Variants in KAZN observed in about 807,000 individuals in gnomAD.
KAZN encodes kazrin.
In KAZN, 40 loss-of-function variants were observed where a neutral mutation model predicts 87.4. The ratio of observed to expected loss-of-function variants is 0.46; its 90% CI spans 0.36 to 0.60. The LOEUF (loss-of-function observed/expected upper bound fraction) is 0.60, where lower values mean the gene tolerates loss of function less well. KAZN is among the 20% of genes least tolerant of loss of function. The probability of loss-of-function intolerance (pLI) is 0.00; values close to 1 mark genes in which losing one functional copy is unlikely to be tolerated. For missense variants in KAZN, 898 were observed against 1,073.9 expected, an observed-to-expected ratio of 0.84 and a Z score of 2.29; for synonymous variants, 466 against 458.3, an observed-to-expected ratio of 1.02 and a Z score of -0.22.
intron 1 of KAZN, among the ~76,000 whole-genome samples, chr1:14,011,430 C>T (rs372110430): frequency 8.5e-5 from 13 of 152,176 alleles, no homozygotes; most frequent in Admixed American, 1.3e-4. Flanking sequence ...CATCACCTGA[C>T]GACAAAAACC....
intron 1 of KAZN, among the ~76,000 whole-genome samples, chr1:14,730,730 C>A (rs905723517): frequency 1.3e-5 from 2 of 152,200 alleles, no homozygotes; most frequent in Non-Finnish European, 2.9e-5. Flanking sequence ...GCAAGTGCCC[C>A]AATCTGTCCC....
chr1:14,497,719 C>T (rs190079896), intron 2 of KAZN, among the ~76,000 whole-genome samples: 44 of 152,116 alleles, frequency 2.9e-4, no homozygotes, highest in African/African-American at 1.1e-3. Context: ...ATCTGGAAGA[C>T]TTAGAGGGTT....
chr1:14,740,248 C>A (rs1372005734), intron 1 of KAZN, among the ~76,000 whole-genome samples: 1 of 152,158 alleles, frequency 6.6e-6, no homozygotes, highest in African/African-American at 2.4e-5. Context: ...CCAGAGACAC[C>A]GTGCTGTGCG....
At chr1:14,867,210 C>T (rs575136906) in intron 1 of KAZN, among the ~76,000 whole-genome samples, 6 of 152,302 alleles carry the variant, frequency 3.9e-5, no homozygotes, top group South Asian at 4.2e-4. Context: ...GGAGGCCTCT[C>T]GGAGTCCTTT....
intron 1 of KAZN, among the ~76,000 whole-genome samples, chr1:13,940,570 T>C (rs1475144315): frequency 6.6e-6 from 1 of 152,182 alleles, no homozygotes; most frequent in Non-Finnish European, 1.5e-5. Context: ...TCAGATAATT[T>C]ACCAGAGAAG....
At chr1:14,783,704 C>T (rs957186702) in intron 1 of KAZN, among the ~76,000 whole-genome samples, 8 of 152,080 alleles carry the variant, frequency 5.3e-5, no homozygotes, top group Admixed American at 5.2e-4. Context: ...TTCACTCAGG[C>T]GGTGGCCTTG....
In KAZN at chr1:15,035,439, C is replaced by T. The variant is rs1376574629; in HGVS notation, c.555+554C>T. On this transcript the variant is annotated intron_variant, in intron 3 of 14. Transcript: ENST00000376030. ...CAGAGGAAGTGACATATGCATTGGG[C>T]TCTGTGGGGTGAATAGGAGTTTATG... 2.6e-5 allele frequency among the ~76,000 whole-genome samples: 4 copies of T among 152,170 alleles called. No homozygotes were observed. The East Asian group carries it at 5.8e-4, about 22-fold the overall frequency.
chr1:14,935,253 T>C (rs1446909670), intron 1 of KAZN, among the ~76,000 whole-genome samples: 1 of 152,256 alleles, frequency 6.6e-6, no homozygotes, highest in Admixed American at 6.5e-5. Flanking sequence ...TCTTTCTTTC[T>C]TTTTGAGACA....
intron 2 of KAZN, among the ~76,000 whole-genome samples, chr1:14,490,756 G>A (rs1379545449): frequency 1.3e-5 from 2 of 152,108 alleles, no homozygotes; most frequent in Non-Finnish European, 2.9e-5. Flanking sequence ...TGAAATGTTT[G>A]CATTCTAAAA....
intron 1 of KAZN, among the ~76,000 whole-genome samples, chr1:14,763,452 A>G (rs1345941503): frequency 6.6e-6 from 1 of 152,134 alleles, no homozygotes; most frequent in Non-Finnish European, 1.5e-5. Context: ...CAATACCCCC[A>G]ATAACATTTG....
At chr1:14,518,802 T>G (rs1048739697) in intron 2 of KAZN, among the ~76,000 whole-genome samples, 1 of 152,236 alleles carries the variant, frequency 6.6e-6, no homozygotes, top group Non-Finnish European at 1.5e-5. Context: ...GATACTATAT[T>G]TTGAGAGCTG....
chr1:14,733,936 C>T (rs763558174), intron 1 of KAZN, among the ~76,000 whole-genome samples: 1 of 152,206 alleles, frequency 6.6e-6, no homozygotes, highest in African/African-American at 2.4e-5. Context: ...TGTCGGTTCC[C>T]GGCACACCAT....
At chr1:14,551,336 C>T (rs930089086) in intron 2 of KAZN, among the ~76,000 whole-genome samples, 3 of 152,150 alleles carry the variant, frequency 2.0e-5, no homozygotes, top group African/African-American at 4.8e-5. Flanking sequence ...TGTAGGGCTC[C>T]CCTCGTATGA....
chr1:14,792,032 C>T (rs1645690813), intron 1 of KAZN, among the ~76,000 whole-genome samples: 1 of 152,070 alleles, frequency 6.6e-6, no homozygotes, highest in African/African-American at 2.4e-5. Flanking sequence ...GTTCCCCCTG[C>T]TTCTCATCTA....
At chr1:14,842,450 A>T (rs973107868) in intron 1 of KAZN, among the ~76,000 whole-genome samples, 2 of 152,216 alleles carry the variant, frequency 1.3e-5, no homozygotes, top group African/African-American at 4.8e-5. Flanking sequence ...ATGTCAGTCC[A>T]TGGCACTGCA....
chr1:14,017,753 G>T (rs989793989), intron 1 of KAZN, among the ~76,000 whole-genome samples: 1 of 152,218 alleles, frequency 6.6e-6, no homozygotes, highest in African/African-American at 2.4e-5. Flanking sequence ...TTTCCAGCAT[G>T]AGAAAAGACC....
intron 1 of KAZN, among the ~76,000 whole-genome samples, chr1:14,905,069 GT>G (rs34773291): frequency 6.6e-6 from 1 of 151,602 alleles, no homozygotes; most frequent in Non-Finnish European, 1.5e-5. Flanking sequence ...CCTTGTTTTT[GT>G]TTTTTTGAGA....
chr1:13,919,846 C>T (rs1179992128), intron 1 of KAZN, among the ~76,000 whole-genome samples: 1 of 152,180 alleles, frequency 6.6e-6, no homozygotes, highest in Admixed American at 6.5e-5. Context: ...TAGGCCACCA[C>T]ACCCAGCCTA....
At chr1:14,344,074 C>T (rs1490929571) in intron 2 of KAZN, among the ~76,000 whole-genome samples, 1 of 151,978 alleles carries the variant, frequency 6.6e-6, no homozygotes, top group East Asian at 1.9e-4. Flanking sequence ...CCCTTGATGC[C>T]AATGTGCCAT....
Sources: gnomAD v4.1 joint callset for allele counts (sites outside exome capture counted in the v4.1 genomes callset) on GRCh38, gnomAD v4.1.1 for gene constraint, MANE v1.5 for transcripts, NCBI Gene and HGNC (gene_info 2026-07-23, HGNC 2026-07-21) for gene names.